C12orf75: variants seen among roughly 807,000 people sequenced by gnomAD.
The protein encoded by C12orf75 is overexpressed in colon carcinoma 1 protein.
Under a neutral mutation model 11.4 loss-of-function variants are expected in C12orf75, and 4 were observed. That is an observed-to-expected ratio of 0.35 (90% CI 0.17 to 0.80). The LOEUF is 0.80. Among genes scored for constraint, C12orf75 ranks in the 30% least tolerant of loss-of-function variants. The pLI is 0.52. For synonymous variants in C12orf75, 30 were observed against 30.0 expected (o/e 1.00, Z 0.00); for missense variants, 89 against 80.4 (o/e 1.11, Z -0.41).
chr12:105,366,268 T>G (rs1396991887), intron 3 of C12orf75: 1 of 265,698 alleles, frequency 3.8e-6, no homozygotes, highest in Non-Finnish European at 7.0e-6. Flanking sequence ...TATCATACCA[T>G]GTTGACCACT....
At chr12:105,351,694 T>C (rs1892715687) in intron 2 of C12orf75, among the ~76,000 whole-genome samples, 1 of 151,812 alleles carries the variant, frequency 6.6e-6, no homozygotes, top group South Asian at 2.1e-4. Flanking sequence ...AAAAAAGGCA[T>C]GGGAGTGCCA....
At chr12:105,332,529 C>T (rs773097738) in intron 1 of C12orf75, among the ~76,000 whole-genome samples, 1 of 151,904 alleles carries the variant, frequency 6.6e-6, no homozygotes, top group Non-Finnish European at 1.5e-5. Flanking sequence ...CTCAGGAACT[C>T]GAGACCAGTG....
At position 105,348,768 on chromosome 12, in the gene C12orf75, C is replaced by T. The variant is rs1307988054; in HGVS notation, c.71+142C>T. ...TGTATAATGCACATGTCAAGATGAT[C>T]GTTGTAACTAAAGTGCTATTCAGAG... On this transcript the variant is annotated intron_variant, in intron 2 of 5. Transcript: ENST00000443585. 6 of 499,912 alleles carry T rather than the reference C, an allele frequency of 1.2e-5. No individual in the cohort carries two copies. The South Asian group carries it at 1.4e-4, about 12-fold the overall frequency. The allele number at this position is 499,912 out of a possible 1,614,324, so 31.0% of individuals were successfully genotyped here.
chr12:105,334,966 G>C (rs1448872997), intron 1 of C12orf75, among the ~76,000 whole-genome samples: 1 of 152,200 alleles, frequency 6.6e-6, no homozygotes, highest in African/African-American at 2.4e-5. Flanking sequence ...TTTTAATGCA[G>C]GCTAAGGCTG....
At chr12:105,351,332 A>C (rs898860778) in intron 2 of C12orf75, among the ~76,000 whole-genome samples, 1 of 152,236 alleles carries the variant, frequency 6.6e-6, no homozygotes, top group Non-Finnish European at 1.5e-5. Flanking sequence ...GGGCAAACAC[A>C]ATATTATGCA....
intron 1 of C12orf75, among the ~76,000 whole-genome samples, chr12:105,346,304 G>A (rs1387076304): frequency 6.6e-6 from 1 of 152,174 alleles, no homozygotes; most frequent in Non-Finnish European, 1.5e-5. Context: ...ACCTTCTGAG[G>A]CTGTATCACA....
intron 1 of C12orf75, among the ~76,000 whole-genome samples, chr12:105,332,930 G>GAAA (rs35954124): frequency 5.7e-5 from 7 of 123,594 alleles, no homozygotes; most frequent in South Asian, 2.7e-4. Context: ...AAGTCATATT[G>GAAA]AAAAAAAAAA....
intron 2 of C12orf75, among the ~76,000 whole-genome samples, chr12:105,355,058 A>T (rs890266178): frequency 6.6e-6 from 1 of 152,002 alleles, no homozygotes; most frequent in African/African-American, 2.4e-5. Flanking sequence ...TACTCCATGG[A>T]GCAGCCATCG....
intron 1 of C12orf75, among the ~76,000 whole-genome samples, chr12:105,346,150 A>C (rs576519528): frequency 6.6e-6 from 1 of 152,288 alleles, no homozygotes; most frequent in Non-Finnish European, 1.5e-5. Context: ...ATCACCTGGA[A>C]ACAACCCCCC....
At chr12:105,366,560 G>T in intron 3 of C12orf75, 57 bp from the exon 4 acceptor site, 2 of 822,394 alleles carry the variant, frequency 2.4e-6, no homozygotes, top group Non-Finnish European at 3.9e-6. Context: ...CCGTGCTTCT[G>T]TTGCTTCCTG....
intron 1 of C12orf75, among the ~76,000 whole-genome samples, chr12:105,344,999 T>A (rs1004974457): frequency 1.4e-5 from 2 of 145,970 alleles, no homozygotes; most frequent in African/African-American, 5.0e-5. Context: ...CCCCTTCTCT[T>A]GGCCAAGGTA....
intron 3 of C12orf75, chr12:105,366,059 G>T: frequency 1.7e-6 from 1 of 575,340 alleles, no homozygotes; most frequent in Non-Finnish European, 3.2e-6. Flanking sequence ...TATGCATGTG[G>T]CGTGTGCTAA....
chr12:105,331,233 G>A (rs975217354), intron 1 of C12orf75, among the ~76,000 whole-genome samples: 10 of 152,080 alleles, frequency 6.6e-5, no homozygotes, highest in East Asian at 5.9e-4. Context: ...GGGTCTCAGG[G>A]CTCTCCTGGG....
chr12:105,334,747 C>T (rs1021375815), intron 1 of C12orf75, among the ~76,000 whole-genome samples: 1 of 152,186 alleles, frequency 6.6e-6, no homozygotes, highest in Non-Finnish European at 1.5e-5. Context: ...ACTTGTTTTT[C>T]CCCCGAGCAT....
chr12:105,340,725 G>A (rs1403469084), intron 1 of C12orf75, among the ~76,000 whole-genome samples: 1 of 152,170 alleles, frequency 6.6e-6, no homozygotes, highest in Non-Finnish European at 1.5e-5. Context: ...CTTTGCAAAT[G>A]TAATAAAGTT....
intron 2 of C12orf75, among the ~76,000 whole-genome samples, chr12:105,359,540 G>C (rs1028036638): frequency 6.6e-6 from 1 of 152,056 alleles, no homozygotes; most frequent in African/African-American, 2.4e-5. Context: ...GGAGGGCAAG[G>C]CGGGTGGATC....
intron 2 of C12orf75, among the ~76,000 whole-genome samples, chr12:105,352,096 G>A (rs12427057): frequency 0.044 from 6,752 of 152,184 alleles, 204 homozygotes; most frequent in Admixed American, 0.052. Context: ...ATGACTGAAC[G>A]GGGAAGGAAA....
At chr12:105,358,886 C>T (rs1433636042) in intron 2 of C12orf75, among the ~76,000 whole-genome samples, 3 of 152,210 alleles carry the variant, frequency 2.0e-5, no homozygotes, top group East Asian at 3.8e-4. Flanking sequence ...AGTCTTCCTT[C>T]TAAGATTGGC....
intron 2 of C12orf75, chr12:105,353,659 TA>T (rs1337599225): frequency 4.6e-5 from 7 of 152,234 alleles, no homozygotes; most frequent in Non-Finnish European, 1.0e-4. Flanking sequence ...TTCGTGTTCT[TA>T]AAGAAGTCTT....
Sources: gnomAD v4.1 joint callset for allele counts (sites outside exome capture counted in the v4.1 genomes callset) on GRCh38, gnomAD v4.1.1 for gene constraint, MANE v1.5 for transcripts, NCBI Gene and HGNC (gene_info 2026-07-23, HGNC 2026-07-21) for gene names.